The following DLGAP2 variants were observed in gnomAD, a reference collection of about 807,000 sequenced individuals.
DLGAP2 encodes DLG associated protein 2.
In DLGAP2, 26 loss-of-function variants were observed where a neutral mutation model predicts 100.3. The ratio of observed to expected loss-of-function variants is 0.26; its 90% confidence interval spans 0.19 to 0.36. The LOEUF (loss-of-function observed/expected upper bound fraction) is 0.36. DLGAP2 is among the 10% of genes least tolerant of loss of function. The pLI is 1.00. For synonymous variants in DLGAP2, 886 were observed against 630.1 expected (o/e 1.41, Z -6.08); for missense variants, 1,858 against 1,453.2 (o/e 1.28, Z -4.53).
chr8:1,285,949 G>C (rs1172361666), intron 3 of DLGAP2, among the ~76,000 whole-genome samples: 1 of 152,198 alleles, frequency 6.6e-6, no homozygotes, highest in East Asian at 1.9e-4. Context: ...CAGAGACCCT[G>C]TCTCAAAGAA....
At chr8:743,557 C>T (rs569641933) in intron 1 of DLGAP2, among the ~76,000 whole-genome samples, 67 of 152,244 alleles carry the variant, frequency 4.4e-4, no homozygotes, top group African/African-American at 1.5e-3. Flanking sequence ...ATGACCTCTT[C>T]TTGGTATTTA....
chr8:1,608,269 AG>A (rs1310285651), intron 6 of DLGAP2, among the ~76,000 whole-genome samples: 1 of 118,852 alleles, frequency 8.4e-6, no homozygotes, highest in Non-Finnish European at 1.9e-5. Flanking sequence ...GGCACCCCCC[AG>A]CAGGGGCACA....
At chr8:1,156,196 C>G (rs1329104324) in intron 2 of DLGAP2, among the ~76,000 whole-genome samples, 1 of 152,172 alleles carries the variant, frequency 6.6e-6, no homozygotes, top group Non-Finnish European at 1.5e-5. Flanking sequence ...CTCAGACCCT[C>G]CCTCTGCCGC....
intron 3 of DLGAP2, among the ~76,000 whole-genome samples, chr8:1,297,441 G>A (rs544710623): frequency 1.7e-4 from 25 of 148,764 alleles, no homozygotes; most frequent in African/African-American, 5.8e-4. Flanking sequence ...CACCACGCGA[G>A]ACAGGGAGGA....
At chr8:1,440,810 A>T (rs1797808797) in intron 3 of DLGAP2, among the ~76,000 whole-genome samples, 2 of 152,162 alleles carry the variant, frequency 1.3e-5, no homozygotes, top group African/African-American at 2.4e-5. Context: ...TATGAGGACA[A>T]ATGGCTCTTT....
intron 2 of DLGAP2, among the ~76,000 whole-genome samples, chr8:1,209,852 A>C (rs1798067067): frequency 6.6e-6 from 1 of 152,242 alleles, no homozygotes; most frequent in East Asian, 1.9e-4. Flanking sequence ...CACAGAAGCC[A>C]CTCAGAACGC....
intron 2 of DLGAP2, among the ~76,000 whole-genome samples, chr8:1,055,254 C>G (rs1413076083): frequency 6.6e-6 from 1 of 152,184 alleles, no homozygotes; most frequent in African/African-American, 2.4e-5. Flanking sequence ...GCCTGATGAG[C>G]TCTATTTTCT....
intron 2 of DLGAP2, among the ~76,000 whole-genome samples, chr8:995,344 A>G (rs1265197698): frequency 2.0e-5 from 3 of 152,226 alleles, no homozygotes; most frequent in Non-Finnish European, 2.9e-5. Flanking sequence ...GTTGATAGAA[A>G]CATCTTTTGA....
chr8:1,164,252 C>T (rs992420137), intron 2 of DLGAP2, among the ~76,000 whole-genome samples: 733 of 113,636 alleles, frequency 6.5e-3, no homozygotes, highest in African/African-American at 0.019. Flanking sequence ...TCTGTGAGCC[C>T]CCCCAGGGCC....
intron 2 of DLGAP2, among the ~76,000 whole-genome samples, chr8:1,171,833 A>C (rs556971022): frequency 1.1e-3 from 169 of 152,194 alleles, no homozygotes; most frequent in Non-Finnish European, 1.9e-3. Context: ...TTGACTCTTT[A>C]TCCAATTTGC....
rs185835776 is a variant in DLGAP2 at position 971,152 on chromosome 8, G to A, written c.73+63186G>A. Among the ~76,000 whole-genome samples, 61 of 152,198 alleles carry A rather than the reference G, an allele frequency of 4.0e-4. 1 individual carries two copies. Among genetic ancestry groups the A allele is most frequent in the Admixed American group, 9.2e-4 (14 of 15,290 alleles). ...TTTTGTGGTTTCGAGGACACCATCC[G>A]GAAACTGAACAGCCAACGTAGAGGA... On this transcript the variant is annotated intron_variant, in intron 2 of 14. Transcript: ENST00000637795.
chr8:1,587,573 A>T (rs191073761), intron 6 of DLGAP2, among the ~76,000 whole-genome samples: 16 of 152,242 alleles, frequency 1.1e-4, no homozygotes, highest in African/African-American at 3.9e-4. Flanking sequence ...ATATTGATAG[A>T]TGATGCTTTT....
intron 3 of DLGAP2, among the ~76,000 whole-genome samples, chr8:1,437,813 C>CAAAAAAAAAAAAAA (rs59165125): frequency 3.3e-4 from 28 of 85,128 alleles, no homozygotes; most frequent in Non-Finnish European, 4.6e-4. Flanking sequence ...ACTAAAAATA[C>CAAAAAAAAAAAAAA]AAAAAAAAAA....
intron 3 of DLGAP2, among the ~76,000 whole-genome samples, chr8:1,413,179 TG>T (rs1383761705): frequency 1.3e-5 from 2 of 152,232 alleles, no homozygotes; most frequent in African/African-American, 4.8e-5. Context: ...AGTCATGGCT[TG>T]TCTCCCTCCT....
intron 4 of DLGAP2, among the ~76,000 whole-genome samples, chr8:1,529,413 T>C (rs183392128): frequency 6.6e-6 from 1 of 152,296 alleles, no homozygotes; most frequent in East Asian, 1.9e-4. Context: ...TCTTATGATG[T>C]CTTTCATGCC....
intron 3 of DLGAP2, among the ~76,000 whole-genome samples, chr8:1,342,376 T>C (rs952814093): frequency 1.3e-5 from 2 of 152,230 alleles, no homozygotes; most frequent in African/African-American, 4.8e-5. Context: ...TTGTGATGTA[T>C]GGCAGGTCTT....
chr8:815,651 C>T (rs1187675782), intron 1 of DLGAP2, among the ~76,000 whole-genome samples: 1 of 152,124 alleles, frequency 6.6e-6, no homozygotes, highest in Non-Finnish European at 1.5e-5. Context: ...TAAATAATGC[C>T]TTAACAATAA....
intron 2 of DLGAP2, among the ~76,000 whole-genome samples, chr8:1,006,978 C>G: frequency 6.6e-6 from 1 of 152,094 alleles, no homozygotes; most frequent in South Asian, 2.1e-4. Flanking sequence ...TGTCTCAAGT[C>G]TCAGGATGTG....
intron 1 of DLGAP2, among the ~76,000 whole-genome samples, chr8:758,993 AC>A (rs1219816308): frequency 2.0e-5 from 3 of 150,734 alleles, no homozygotes; most frequent in Non-Finnish European, 3.0e-5. Flanking sequence ...CATTATCAAT[AC>A]CCCCAACAGC....
Sources: gnomAD v4.1 joint callset for allele counts (sites outside exome capture counted in the v4.1 genomes callset) on GRCh38, gnomAD v4.1.1 for gene constraint, MANE v1.5 for transcripts, NCBI Gene and HGNC (gene_info 2026-07-23, HGNC 2026-07-21) for gene names.